The following FAT3 variants were observed in gnomAD, a reference collection of about 807,000 sequenced individuals.
FAT3 encodes FAT atypical cadherin 3, also known as protocadherin Fat 3.
FAT3 carries 95 observed loss-of-function variants against 310.2 expected under a neutral mutation model. The ratio of observed to expected loss-of-function variants is 0.31; its 90% confidence interval spans 0.26 to 0.36. FAT3 has a LOEUF of 0.36. Ranked by LOEUF, FAT3 falls within the 10% of genes least tolerant of loss-of-function variation. The pLI, the probability that FAT3 is intolerant of heterozygous loss-of-function variation, is 1.00. For synonymous variants in FAT3, 2,314 were observed against 2,192.9 expected (o/e 1.06, Z -1.54); for missense variants, 5,408 against 5,715.6 (o/e 0.95, Z 1.74).
chr11:92,290,879 T>A (rs890912711), intron 1 of FAT3, among the ~76,000 whole-genome samples: 2 of 152,124 alleles, frequency 1.3e-5, no homozygotes, highest in African/African-American at 4.8e-5. Flanking sequence ...CAGCCACTTG[T>A]AGCACCAAGT....
At chr11:92,311,157 A>G (rs932073403) in intron 1 of FAT3, among the ~76,000 whole-genome samples, 2 of 152,026 alleles carry the variant, frequency 1.3e-5, no homozygotes, top group African/African-American at 4.8e-5. Context: ...CTATCAGTTG[A>G]TTGTTATCTC....
At position 92,704,756 on chromosome 11, in the gene FAT3, T is replaced by C. The variant is rs1441252780; in HGVS notation, c.3669+7311T>C. The stretch of plus-strand genomic sequence containing the variant: ...TGTGAAAAAACAAATTTCTGTCATT[T>C]CAGGCACTTTAGTCTATGTTCCTCG... On this transcript the variant is annotated intron_variant, in intron 4 of 27. Transcript: ENST00000525166. Among the ~76,000 whole-genome samples, 3 of 152,302 alleles carry C rather than the reference T, an allele frequency of 2.0e-5. No homozygotes were observed. The East Asian group carries it at 5.8e-4, about 29-fold the overall frequency.
In FAT3 at chr11:92,641,882, T is replaced by C. The variant is rs549863554; in HGVS notation, c.3608-55502T>C. ...GTAAAACTCAAGCAAACAAAAACAA[T>C]GGTTCTTAATAGCTGAAAAAGTATA... On this transcript the variant is annotated intron_variant, in intron 3 of 27. Coordinates refer to ENST00000525166, the MANE Select transcript of FAT3 (RefSeq NM_001367949.2). Among the ~76,000 whole-genome samples the C allele has an allele frequency of 2.0e-5, 3 of 152,318 alleles. No individual in the cohort carries two copies. In the South Asian group the frequency reaches 6.2e-4, roughly 32 times the overall value.
At chr11:92,328,750 T>C (rs555405460) in intron 1 of FAT3, among the ~76,000 whole-genome samples, 173 of 152,312 alleles carry the variant, frequency 1.1e-3, no homozygotes, top group Middle Eastern at 3.4e-3. Flanking sequence ...TTTGCAGCCA[T>C]AAAACATCGA....
chr11:92,746,349 T>G (rs576152459), intron 4 of FAT3, among the ~76,000 whole-genome samples: 1 of 152,190 alleles, frequency 6.6e-6, no homozygotes, highest in Non-Finnish European at 1.5e-5. Flanking sequence ...AGGGGAACTC[T>G]CATTTATAAA....
At chr11:92,429,642 T>C (rs1950720203) in intron 2 of FAT3, among the ~76,000 whole-genome samples, 1 of 152,168 alleles carries the variant, frequency 6.6e-6, no homozygotes. Context: ...TGTGTGAAGC[T>C]TTGTTTGGCT....
At chr11:92,716,024 A>C (rs1404624317) in intron 4 of FAT3, among the ~76,000 whole-genome samples, 1 of 152,172 alleles carries the variant, frequency 6.6e-6, no homozygotes, top group African/African-American at 2.4e-5. Context: ...TGGTGGCATG[A>C]TCAACGTCAT....
At chr11:92,528,473 G>A (rs1299460612) in intron 3 of FAT3, among the ~76,000 whole-genome samples, 3 of 152,114 alleles carry the variant, frequency 2.0e-5, no homozygotes, top group East Asian at 1.9e-4. Flanking sequence ...TGCAAGCTCC[G>A]CCTCCCGAGT....
At position 92,800,932 on chromosome 11, in the gene FAT3, A is replaced by G. The variant is rs1469170815; in HGVS notation, c.7919A>G (p.Tyr2640Cys). 2.5e-6 allele frequency: 4 copies of G among 1,612,790 alleles called. No homozygotes were observed. Among genetic ancestry groups the G allele is most frequent in the African/African-American group, 1.3e-5 (1 of 75,054 alleles). ...GANSRITYSL[Y>C]SEASVSVADL... is the part of the protein sequence containing the mutation. ...AATTCAAGGATTACTTATTCCCTCT[A>G]TAGCGAGGCCTCTGTTTCAGTGGCC... Residue 2640 changes from tyrosine (Y) to cysteine (C), a missense_variant, in exon 10 of 28, where the codon TAT (tyrosine) becomes TGT (cysteine). By Grantham distance (194) the Tyr-to-Cys change is radical (BLOSUM62 -2). Around this residue, in one of 5 missense-constraint regions of FAT3, gnomAD observed 4,588 missense variants for 4,809.8 expected, o/e 0.95. Coordinates refer to ENST00000525166, the MANE Select transcript of FAT3 (RefSeq NM_001367949.2).
Position 92,857,234 on chromosome 11 carries a change from A to G in FAT3, c.11386A>G (p.Asn3796Asp), listed in dbSNP as rs1250001587. Residue 3796 changes from asparagine (N) to aspartate (D), a missense_variant, in exon 20 of 28, where the codon AAC becomes GAC. Coordinates refer to ENST00000525166, the MANE Select transcript of FAT3 (RefSeq NM_001367949.2). ...CACAGGAGGACTGTGTCCGGGGTCC[A>G]ACGATCCTTGTGTGGAGAAGCCGTG... The part of the protein sequence containing the change: ...TCNGGLCPGS[N>D]DPCVEKPCPG... 2 of 1,614,000 alleles carry G rather than the reference A, an allele frequency of 1.2e-6. No individual in the cohort carries two copies. Among genetic ancestry groups the G allele is most frequent in the South Asian group, 2.2e-5 (2 of 91,078 alleles).
intron 19 of FAT3, 69 bp downstream of exon 19, chr11:92,844,801 G>A: frequency 7.2e-7 from 1 of 1,394,040 alleles, no homozygotes; most frequent in Non-Finnish European, 9.5e-7. Context: ...TACCATTCCA[G>A]CATGCCTGCA....
At chr11:92,458,405 A>T (rs1477583761) in intron 2 of FAT3, among the ~76,000 whole-genome samples, 1 of 152,196 alleles carries the variant, frequency 6.6e-6, no homozygotes, top group Non-Finnish European at 1.5e-5. Flanking sequence ...CCATGGAAAC[A>T]TCTTCTTTAA....
intron 3 of FAT3, among the ~76,000 whole-genome samples, chr11:92,526,934 T>C (rs891087320): frequency 3.3e-5 from 5 of 152,216 alleles, no homozygotes; most frequent in East Asian, 1.9e-4. Context: ...CAACCACTTA[T>C]TGTACCTATT....
At chr11:92,671,763 G>T (rs942253501) in intron 3 of FAT3, among the ~76,000 whole-genome samples, 1 of 152,058 alleles carries the variant, frequency 6.6e-6, no homozygotes, top group African/African-American at 2.4e-5. Flanking sequence ...TTTGAGTAAG[G>T]TGCTTAGATA....
At chr11:92,339,628 A>T (rs1188822782) in intron 1 of FAT3, among the ~76,000 whole-genome samples, 5 of 152,128 alleles carry the variant, frequency 3.3e-5, no homozygotes, top group Admixed American at 3.3e-4. Flanking sequence ...AATTGTGGAG[A>T]TGACATAAAT....
chr11:92,399,229 G>T (rs1472200650), intron 2 of FAT3, among the ~76,000 whole-genome samples: 1 of 152,130 alleles, frequency 6.6e-6, no homozygotes, highest in Non-Finnish European at 1.5e-5. Flanking sequence ...TAAGAGTCCT[G>T]TGATTGATAT....
chr11:92,729,650 C>T (rs1368647952), intron 4 of FAT3, among the ~76,000 whole-genome samples: 1 of 151,896 alleles, frequency 6.6e-6, no homozygotes, highest in African/African-American at 2.4e-5. Context: ...TGGTCTCGAT[C>T]TCCTGACCTC....
At chr11:92,240,033 C>G (rs568398626) in intron 1 of FAT3, among the ~76,000 whole-genome samples, 1 of 152,144 alleles carries the variant, frequency 6.6e-6, no homozygotes, top group Admixed American at 6.6e-5. Flanking sequence ...TTATGCCTTT[C>G]GAAAGATGGT....
intron 13 of FAT3, 98 bp from the exon 14 acceptor site, chr11:92,831,524 T>G (rs1367732978): frequency 1.0e-6 from 1 of 1,000,190 alleles, no homozygotes; most frequent in Non-Finnish European, 1.4e-6. Flanking sequence ...ACTATTTTTC[T>G]TGTTGTGGCC....
Sources: allele counts gnomAD v4.1 joint callset (sites outside exome capture counted in the v4.1 genomes callset), GRCh38; gene constraint gnomAD v4.1.1; regional missense constraint gnomAD v4.1.1; transcripts MANE v1.5; gene names NCBI Gene and HGNC (gene_info 2026-07-23, HGNC 2026-07-21).